NEGR1: variants seen among roughly 807,000 people sequenced by gnomAD.
NEGR1 encodes the protein IgLON family member 4.
A neutral mutation model predicts 40.9 loss-of-function variants in NEGR1; 10 were observed. The observed-to-expected ratio is 0.24, with a 90% confidence interval of 0.15 to 0.42. The LOEUF is 0.42. Ranked by LOEUF, NEGR1 falls within the 10% of genes least tolerant of loss-of-function variation. NEGR1 has a pLI of 1.00. For missense variants in NEGR1, 352 were observed against 438.9 expected (o/e 0.80, Z 1.77); for synonymous variants, 185 against 166.8 (o/e 1.11, Z -0.84).
intron 1 of NEGR1, among the ~76,000 whole-genome samples, chr1:72,260,412 C>A (rs958129351): frequency 6.6e-6 from 1 of 152,070 alleles, no homozygotes; most frequent in Non-Finnish European, 1.5e-5. Context: ...AAATAATTTA[C>A]TCGTGCTTAC....
intron 1 of NEGR1, among the ~76,000 whole-genome samples, chr1:72,194,334 T>C (rs1652926344): frequency 6.6e-6 from 1 of 151,948 alleles, no homozygotes; most frequent in African/African-American, 2.4e-5. Context: ...GAGAAGTTTT[T>C]ATTTTTAGTA....
chr1:71,756,591 G>GA (rs2101694088), intron 3 of NEGR1, among the ~76,000 whole-genome samples: 1 of 152,128 alleles, frequency 6.6e-6, no homozygotes, highest in Admixed American at 6.5e-5. Flanking sequence ...ACTCCACAGA[G>GA]AATCTTGCTC....
chr1:71,767,706 G>C (rs560732554), intron 3 of NEGR1, among the ~76,000 whole-genome samples: 2 of 152,182 alleles, frequency 1.3e-5, no homozygotes, highest in South Asian at 4.1e-4. Context: ...ATGAGGAAAA[G>C]ATCTCAAAGG....
In NEGR1 at chr1:72,208,945, A is replaced by G. The variant is rs563760151; in HGVS notation, c.176+73374T>C. On this transcript the variant is annotated intron_variant, in intron 1 of 6. Transcript: ENST00000357731. ...GGTGATTCATCAGTTAAAAAAATAGAAAAAAATATTGTAAGTTTCTTGCTT... is the reference window on the plus strand; with the variant it reads ...GGTGATTCATCAGTTAAAAAAATAGGAAAAAATATTGTAAGTTTCTTGCTT... 3.9e-4 allele frequency among the ~76,000 whole-genome samples: 59 copies of G among 151,732 alleles called. No homozygotes were observed. The South Asian group carries it at 0.012, about 31-fold the overall frequency.
chr1:72,127,438 T>C (rs1440413244), intron 1 of NEGR1, among the ~76,000 whole-genome samples: 7 of 110,416 alleles, frequency 6.3e-5, no homozygotes, highest in Non-Finnish European at 1.2e-4. Flanking sequence ...CACTCCAGCC[T>C]GGGCGACAGA....
intron 2 of NEGR1, among the ~76,000 whole-genome samples, chr1:71,887,498 A>AT (rs1482569377): frequency 6.6e-6 from 1 of 152,072 alleles, no homozygotes; most frequent in East Asian, 1.9e-4. Flanking sequence ...CTTAATTTTC[A>AT]TTTTTTAATT....
At chr1:71,661,337 G>T (rs148152174) in intron 4 of NEGR1, among the ~76,000 whole-genome samples, 9 of 152,240 alleles carry the variant, frequency 5.9e-5, no homozygotes, top group African/African-American at 2.2e-4. Context: ...GTTAGTGGGG[G>T]TCTTTTATAA....
chr1:71,473,510 T>C (rs941128194), intron 6 of NEGR1, among the ~76,000 whole-genome samples: 1 of 152,146 alleles, frequency 6.6e-6, no homozygotes, highest in Non-Finnish European at 1.5e-5. Context: ...ATCTTTTTTA[T>C]GGAGGCCATC....
At chr1:72,204,863 A>G (rs1185735244) in intron 1 of NEGR1, among the ~76,000 whole-genome samples, 1 of 152,150 alleles carries the variant, frequency 6.6e-6, no homozygotes, top group Admixed American at 6.6e-5. Context: ...CGTAAGCAAC[A>G]CTGAAATTAT....
chr1:72,033,490 C>T (rs910466455), intron 1 of NEGR1, among the ~76,000 whole-genome samples: 1 of 152,132 alleles, frequency 6.6e-6, no homozygotes, highest in Non-Finnish European at 1.5e-5. Flanking sequence ...TTTCCATAAA[C>T]GATGCTGTTT....
intron 1 of NEGR1, among the ~76,000 whole-genome samples, chr1:71,983,929 C>G (rs546356328): frequency 1.3e-4 from 19 of 148,272 alleles, no homozygotes; most frequent in African/African-American, 3.9e-4. Flanking sequence ...TGATTTAAAG[C>G]ATTCATGAAA....
chr1:71,828,718 A>C (rs1264938660), intron 2 of NEGR1, among the ~76,000 whole-genome samples: 2 of 151,918 alleles, frequency 1.3e-5, no homozygotes, highest in African/African-American at 2.4e-5. Context: ...TGAGTTTCTA[A>C]CTTTCTAGCA....
chr1:72,191,258 T>C (rs1652811033), intron 1 of NEGR1, among the ~76,000 whole-genome samples: 1 of 151,728 alleles, frequency 6.6e-6, no homozygotes, highest in Admixed American at 6.6e-5. Flanking sequence ...CATGAGAGTG[T>C]GGATTGATTC....
chr1:72,274,662 T>C (rs1655975913), intron 1 of NEGR1: 4 of 885,704 alleles, frequency 4.5e-6, no homozygotes, highest in East Asian at 2.4e-5. Flanking sequence ...GTGCTATTTA[T>C]GGAGGTACCT....
At chr1:71,995,998 A>G (rs753928570) in intron 1 of NEGR1, among the ~76,000 whole-genome samples, 24 of 152,246 alleles carry the variant, frequency 1.6e-4, no homozygotes, top group Admixed American at 5.2e-4. Context: ...TTTACGTACA[A>G]TTGTTAACTC....
At chr1:72,030,577 A>C (rs1359799343) in intron 1 of NEGR1, among the ~76,000 whole-genome samples, 1 of 152,202 alleles carries the variant, frequency 6.6e-6, no homozygotes, top group Non-Finnish European at 1.5e-5. Context: ...AATCCTATCA[A>C]CTGTATAAGT....
intron 2 of NEGR1, among the ~76,000 whole-genome samples, chr1:71,800,286 A>G (rs1032816025): frequency 6.6e-6 from 1 of 151,948 alleles, no homozygotes; most frequent in East Asian, 1.9e-4. Context: ...TTTTTCTCCC[A>G]TTCTTTAGGT....
chr1:71,975,294 C>T (rs1646292246), intron 1 of NEGR1, among the ~76,000 whole-genome samples: 1 of 152,058 alleles, frequency 6.6e-6, no homozygotes, highest in Non-Finnish European at 1.5e-5. Context: ...CTTCTGATTT[C>T]CTTTGACTTC....
At chr1:71,999,644 T>TATATATATAC (rs1646537512) in intron 1 of NEGR1, among the ~76,000 whole-genome samples, 1 of 37,476 alleles carries the variant, frequency 2.7e-5, no homozygotes, top group Non-Finnish European at 6.1e-5. Context: ...TATATATATA[T>TATATATATAC]ATATATATAT....
Sources: gnomAD v4.1 joint callset for allele counts (sites outside exome capture counted in the v4.1 genomes callset) on GRCh38, gnomAD v4.1.1 for gene constraint, MANE v1.5 for transcripts, NCBI Gene and HGNC (gene_info 2026-07-23, HGNC 2026-07-21) for gene names.